TMEM132B: variants seen among roughly 807,000 people sequenced by gnomAD.
The protein encoded by TMEM132B is transmembrane protein 132B.
Under a neutral mutation model 90.8 loss-of-function variants are expected in TMEM132B, and 18 were observed. The observed-to-expected ratio is 0.20, with a 90% CI of 0.14 to 0.29. The LOEUF (loss-of-function observed/expected upper bound fraction) is 0.29. Among genes scored for constraint, TMEM132B ranks in the 10% least tolerant of loss-of-function variants. The pLI, the probability that TMEM132B is intolerant of heterozygous loss-of-function variation, is 1.00. For missense variants in TMEM132B, 1,096 were observed against 1,326.8 expected (o/e 0.83, Z 2.70); for synonymous variants, 504 against 523.3 (o/e 0.96, Z 0.50).
chr12:125,281,035 TACCAC>T (rs1875153533), intron 1 of TMEM132B, among the ~76,000 whole-genome samples: 1 of 152,168 alleles, frequency 6.6e-6, no homozygotes, highest in Admixed American at 6.5e-5. Flanking sequence ...GCTGGGGAAT[TACCAC>T]ACAATGAACC....
chr12:125,487,411 A>T (rs1174770865), intron 3 of TMEM132B, among the ~76,000 whole-genome samples: 1 of 152,240 alleles, frequency 6.6e-6, no homozygotes, highest in East Asian at 1.9e-4. Context: ...CCTCTATCTC[A>T]GTGGTTTAAC....
At chr12:125,238,624 C>T (rs114510601) in intron 1 of TMEM132B, among the ~76,000 whole-genome samples, 11 of 152,112 alleles carry the variant, frequency 7.2e-5, no homozygotes, top group Non-Finnish European at 1.3e-4. Flanking sequence ...ACATTTTGTT[C>T]GGAAAGCTCC....
chr12:125,320,563 A>AG (rs1291166744), intron 1 of TMEM132B, among the ~76,000 whole-genome samples: 1 of 152,120 alleles, frequency 6.6e-6, no homozygotes, highest in Non-Finnish European at 1.5e-5. Flanking sequence ...GGCTAGGAGA[A>AG]GGGACAGGTT....
rs542783653 is a variant in TMEM132B at position 125,213,759 on chromosome 12, T to C, written c.67+26893T>C. On this transcript the variant is annotated intron_variant, in intron 1 of 8. Transcript: ENST00000682704. The surrounding 1 kb of genome is among the most constrained non-coding windows in gnomAD (Gnocchi z 4.2). ...GTGTGATCTCTGTAAGTATAGATCATGACTACCTTGCTTATTCATCCACCT... is the reference window on the plus strand; with the variant it reads ...GTGTGATCTCTGTAAGTATAGATCACGACTACCTTGCTTATTCATCCACCT... Among the ~76,000 whole-genome samples the C allele has an allele frequency of 3.3e-5, 5 of 152,366 alleles. No individual in the cohort carries two copies. The East Asian group carries it at 9.6e-4, about 29-fold the overall frequency.
chr12:125,302,837 C>T (rs2136165068), intron 1 of TMEM132B, among the ~76,000 whole-genome samples: 1 of 152,230 alleles, frequency 6.6e-6, no homozygotes, highest in African/African-American at 2.4e-5. Context: ...TGGCTCATGC[C>T]TGTAATCCCA....
chr12:125,397,137 A>G (rs574911551), intron 2 of TMEM132B, among the ~76,000 whole-genome samples: 2 of 152,002 alleles, frequency 1.3e-5, no homozygotes, highest in African/African-American at 4.8e-5. Flanking sequence ...AGGCCCGGCT[A>G]ATTTTTTTGT....
intron 1 of TMEM132B, among the ~76,000 whole-genome samples, chr12:125,297,391 G>A (rs1875698295): frequency 6.6e-6 from 1 of 152,204 alleles, no homozygotes; most frequent in South Asian, 2.1e-4. Context: ...CCTTCTCCTG[G>A]GGTGCCCTGT....
At chr12:125,200,955 G>C (rs765054075) in intron 1 of TMEM132B, among the ~76,000 whole-genome samples, 3 of 152,162 alleles carry the variant, frequency 2.0e-5, no homozygotes, top group Non-Finnish European at 4.4e-5. Context: ...TCTTAGAATA[G>C]GAGCACCGTC....
chr12:125,304,938 T>G (rs1413811736), intron 1 of TMEM132B, among the ~76,000 whole-genome samples: 1 of 152,088 alleles, frequency 6.6e-6, no homozygotes, highest in Non-Finnish European at 1.5e-5. Context: ...TTTTCCTGAG[T>G]GTTGGGAGGT....
chr12:125,254,679 C>T (rs1174400664), intron 1 of TMEM132B, among the ~76,000 whole-genome samples: 3 of 142,632 alleles, frequency 2.1e-5, no homozygotes, highest in African/African-American at 7.7e-5. Context: ...GAGCCTCTTC[C>T]TACTTTTTTT....
intron 4 of TMEM132B, among the ~76,000 whole-genome samples, chr12:125,542,150 T>C (rs1883976156): frequency 6.6e-6 from 1 of 151,638 alleles, no homozygotes; most frequent in African/African-American, 2.4e-5. Context: ...AAAGTTAGCA[T>C]GAATTTGATT....
chr12:125,544,975 C>T (rs753003252), intron 4 of TMEM132B, among the ~76,000 whole-genome samples: 3 of 152,194 alleles, frequency 2.0e-5, no homozygotes, highest in Admixed American at 1.3e-4. Context: ...TAATTGATTA[C>T]TCCTATGGGT....
chr12:125,350,073 A>T lies in TMEM132B; in HGVS notation c.689A>T (p.Asp230Val). 1 of 1,614,222 alleles carries T rather than the reference A, an allele frequency of 6.2e-7. No homozygotes were observed. The highest frequency in any genetic ancestry group is 8.5e-7 in the Non-Finnish European group (1 of 1,180,030). The change falls in exon 2 of 9, where the codon GAC becomes GTC. Residue 230 changes from aspartate (D) to valine (V), a missense_variant. Transcript: ENST00000682704. ...MELFFTLYPA[D>V]KAGQCPLEEE... is the part of the protein sequence containing the mutation. ...CTCTTCTTCACGCTCTACCCAGCTG[A>T]CAAGGCTGGCCAGTGTCCTCTGGAG...
chr12:125,605,864 A>G (rs987154916), intron 5 of TMEM132B, among the ~76,000 whole-genome samples: 1 of 152,192 alleles, frequency 6.6e-6, no homozygotes, highest in African/African-American at 2.4e-5. Context: ...ATTATTTTGT[A>G]TTGAGAAGAT....
intron 3 of TMEM132B, among the ~76,000 whole-genome samples, chr12:125,479,433 G>A (rs549596733): frequency 2.0e-5 from 3 of 152,184 alleles, no homozygotes; most frequent in Admixed American, 2.0e-4. Flanking sequence ...TAAGCAAATG[G>A]AAAGCAAAGA....
chr12:125,513,946 A>G (rs1329933052), intron 3 of TMEM132B, among the ~76,000 whole-genome samples: 2 of 152,158 alleles, frequency 1.3e-5, no homozygotes, highest in East Asian at 1.9e-4. Flanking sequence ...TGTTTTGTCT[A>G]CTAATGAATC....
At chr12:125,449,706 A>C (rs1036728126) in intron 3 of TMEM132B, among the ~76,000 whole-genome samples, 1 of 151,980 alleles carries the variant, frequency 6.6e-6, no homozygotes, top group Non-Finnish European at 1.5e-5. Context: ...AAACAATAGA[A>C]ATTTACTTCT....
intron 3 of TMEM132B, among the ~76,000 whole-genome samples, chr12:125,491,623 G>C (rs1202508811): frequency 6.6e-6 from 1 of 152,214 alleles, no homozygotes; most frequent in Non-Finnish European, 1.5e-5. Flanking sequence ...TCTCAGATAT[G>C]GCTTCCTGTA....
chr12:125,254,245 C>T (rs907586117), intron 1 of TMEM132B, among the ~76,000 whole-genome samples: 1 of 151,886 alleles, frequency 6.6e-6, no homozygotes, highest in Non-Finnish European at 1.5e-5. Flanking sequence ...TGTGCCATTG[C>T]ACTCCAGCCT....
Sources: gnomAD v4.1 joint callset for allele counts (sites outside exome capture counted in the v4.1 genomes callset) on GRCh38, gnomAD v4.1.1 for gene constraint, Gnocchi (gnomAD v3.1) non-coding constraint, MANE v1.5 for transcripts, NCBI Gene and HGNC (gene_info 2026-07-23, HGNC 2026-07-21) for gene names.